The following NIBAN1 variants were observed in gnomAD, a reference collection of about 807,000 sequenced individuals.
The protein encoded by NIBAN1 is protein Niban 1.
Under a neutral mutation model 75.1 loss-of-function variants are expected in NIBAN1, and 81 were observed. The observed-to-expected ratio is 1.08, with a 90% CI of 0.90 to 1.30. NIBAN1 has a LOEUF of 1.30. NIBAN1 is among the 50% of genes most tolerant of loss of function. NIBAN1 has a pLI of 0.00. For synonymous variants in NIBAN1, 436 were observed against 424.8 expected, an observed-to-expected ratio of 1.03 and a Z score of -0.32; for missense variants, 1,133 against 1,128.1, an observed-to-expected ratio of 1.00 and a Z score of -0.06.
At chr1:184,841,891 A>G (rs1571510317) in intron 5 of NIBAN1, among the ~76,000 whole-genome samples, 1 of 152,280 alleles carries the variant, frequency 6.6e-6, no homozygotes, top group East Asian at 1.9e-4. Context: ...AGCAGTTATA[A>G]TGTTACAGTT....
chr1:184,894,178 T>C lies in NIBAN1; in HGVS notation c.215A>G (p.Tyr72Cys). 1.2e-6 allele frequency: 2 copies of C among 1,610,984 alleles called. No individual in the cohort carries two copies. The highest frequency in any genetic ancestry group is 1.3e-5 in the African/African-American group (1 of 74,878). Residue 72 changes from tyrosine to cysteine, a missense_variant, in exon 3 of 14, where the codon TAT becomes TGT. Tyr to Cys is a radical substitution (Grantham distance 194, BLOSUM62 -2). Coordinates refer to ENST00000367511, the MANE Select transcript of NIBAN1 (RefSeq NM_052966.4). ...KPPLAPGTIL[Y>C]EAELSQFSED... ...AGAAAATTGTGATAGCTCTGCTTCA[T>C]ACAAAATAGTTCCAGGCGCCAATGG...
intron 1 of NIBAN1, among the ~76,000 whole-genome samples, chr1:184,938,637 C>T (rs971724673): frequency 1.3e-5 from 2 of 152,086 alleles, no homozygotes; most frequent in African/African-American, 4.8e-5. Flanking sequence ...CATGAAGCCA[C>T]TAAAAATTTA....
intron 5 of NIBAN1, among the ~76,000 whole-genome samples, chr1:184,857,629 T>C (rs1234079410): frequency 6.6e-6 from 1 of 152,152 alleles, no homozygotes; most frequent in Non-Finnish European, 1.5e-5. Context: ...TTAAAGAATA[T>C]GCAACAAAAA....
At chr1:184,947,766 AG>A (rs1195956983) in intron 1 of NIBAN1, among the ~76,000 whole-genome samples, 2 of 152,238 alleles carry the variant, frequency 1.3e-5, no homozygotes, top group Non-Finnish European at 2.9e-5. Flanking sequence ...TGCAGAAATT[AG>A]GAAGAATTCA....
At chr1:184,956,670 A>G (rs12752910) in intron 1 of NIBAN1, among the ~76,000 whole-genome samples, 5,294 of 152,342 alleles carry the variant, frequency 0.035, 132 homozygotes, top group Non-Finnish European at 0.059. Flanking sequence ...AAATATTTTG[A>G]TAACTACAGT....
intron 1 of NIBAN1, among the ~76,000 whole-genome samples, chr1:184,910,399 C>T (rs902403385): frequency 3.2e-4 from 49 of 152,188 alleles, no homozygotes; most frequent in African/African-American, 1.1e-3. Flanking sequence ...CTTTCCAATG[C>T]TCTCCTATTT....
At chr1:184,829,456 C>T (rs1654934845) in intron 6 of NIBAN1, among the ~76,000 whole-genome samples, 1 of 135,328 alleles carries the variant, frequency 7.4e-6, no homozygotes, top group South Asian at 2.4e-4. Context: ...TTATTAAATA[C>T]ATATATTCTT....
At chr1:184,967,775 A>G (rs1658836837) in intron 1 of NIBAN1, among the ~76,000 whole-genome samples, 1 of 152,218 alleles carries the variant, frequency 6.6e-6, no homozygotes, top group African/African-American at 2.4e-5. Flanking sequence ...TTCATCATCT[A>G]ACTCCATGGG....
intron 5 of NIBAN1, among the ~76,000 whole-genome samples, chr1:184,872,348 C>T (rs971592336): frequency 2.7e-5 from 4 of 150,872 alleles, no homozygotes; most frequent in Non-Finnish European, 1.5e-5. Context: ...AACTGAATGA[C>T]AGAGCACAGA....
intron 1 of NIBAN1, among the ~76,000 whole-genome samples, chr1:184,940,833 T>A (rs932265670): frequency 6.6e-6 from 1 of 152,216 alleles, no homozygotes; most frequent in Non-Finnish European, 1.5e-5. Flanking sequence ...ATCATTCCAT[T>A]TCTTAGTGGA....
intron 11 of NIBAN1, among the ~76,000 whole-genome samples, chr1:184,804,560 C>A (rs1163023951): frequency 1.3e-5 from 2 of 152,082 alleles, no homozygotes; most frequent in African/African-American, 2.4e-5. Context: ...GTGGGACCAC[C>A]CCTTGAGGGA....
chr1:184,806,735 C>G (rs511033), intron 10 of NIBAN1, among the ~76,000 whole-genome samples: 1 of 150,988 alleles, frequency 6.6e-6, no homozygotes, highest in Non-Finnish European at 1.5e-5. Flanking sequence ...TCCCCAAGCC[C>G]GTGGTCCCAA....
At chr1:184,955,554 G>C (rs2102069913) in intron 1 of NIBAN1, among the ~76,000 whole-genome samples, 1 of 151,966 alleles carries the variant, frequency 6.6e-6, no homozygotes, top group East Asian at 1.9e-4. Flanking sequence ...GGCCAGGATG[G>C]TCTCAATCTC....
chr1:184,897,070 T>G (rs1656819125), intron 2 of NIBAN1, among the ~76,000 whole-genome samples: 1 of 152,190 alleles, frequency 6.6e-6, no homozygotes, highest in African/African-American at 2.4e-5. Flanking sequence ...TTTTCTAATT[T>G]TGTGTAAGAT....
At chr1:184,872,420 A>C (rs187644428) in intron 5 of NIBAN1, among the ~76,000 whole-genome samples, 1 of 152,272 alleles carries the variant, frequency 6.6e-6, no homozygotes, top group East Asian at 1.9e-4. Context: ...AAAGTTAACA[A>C]GTAGGCTGGG....
At chr1:184,894,362 C>T (rs1021441924) in intron 2 of NIBAN1, among the ~76,000 whole-genome samples, 156 bp from the exon 3 acceptor site, 7 of 152,134 alleles carry the variant, frequency 4.6e-5, no homozygotes, top group African/African-American at 1.7e-4. Flanking sequence ...CCACAATTTC[C>T]CTTTCCTACT....
chr1:184,823,173 T>C lies in NIBAN1; in HGVS notation c.979A>G (p.Ile327Val), dbSNP rs367918449. 6.2e-7 allele frequency: 1 copy of C among 1,614,180 alleles called. No individual in the cohort carries two copies. Among genetic ancestry groups the C allele is most frequent in the Admixed American group, 1.7e-5 (1 of 60,024 alleles). Residue 327 changes from isoleucine to valine, a missense_variant, in exon 8 of 14, where the codon ATC (isoleucine) becomes GTC (valine). Physicochemically the swap from Ile to Val is conservative, Grantham distance 29. Transcript: ENST00000367511. ...VNSKNYLIGK[I>V]KAMVAQPAEK... ...ATGGATTATCTCTACTGACCTTTGA[T>C]CTTTCCAATTAAATAGTTCTTTGAG...
intron 12 of NIBAN1, among the ~76,000 whole-genome samples, chr1:184,800,308 T>G (rs536735735): frequency 6.7e-6 from 1 of 149,988 alleles, no homozygotes; most frequent in Non-Finnish European, 1.5e-5. Context: ...TCTCCCATTT[T>G]GTGGGTTGCC....
chr1:184,916,413 C>T (rs889068944), intron 1 of NIBAN1, among the ~76,000 whole-genome samples: 2 of 152,138 alleles, frequency 1.3e-5, no homozygotes, highest in African/African-American at 4.8e-5. Flanking sequence ...GTAACAGGTA[C>T]ATGACAATGA....
Sources: gnomAD v4.1 joint callset for allele counts (sites outside exome capture counted in the v4.1 genomes callset) on GRCh38, gnomAD v4.1.1 for gene constraint, MANE v1.5 for transcripts, NCBI Gene and HGNC (gene_info 2026-07-23, HGNC 2026-07-21) for gene names.